The following PIAS2 variants were observed in gnomAD, a reference collection of about 807,000 sequenced individuals.
PIAS2 encodes E3 SUMO-protein ligase PIAS2.
A neutral mutation model predicts 69.7 loss-of-function variants in PIAS2; 19 were observed. That is an observed-to-expected ratio of 0.27 (90% CI 0.19 to 0.40). The LOEUF (loss-of-function observed/expected upper bound fraction) is 0.40, where lower values mean the gene tolerates loss of function less well. Among genes scored for constraint, PIAS2 ranks in the 10% least tolerant of loss-of-function variants. PIAS2 has a pLI of 1.00. For synonymous variants in PIAS2, 261 were observed against 263.2 expected (o/e 0.99, Z 0.08); for missense variants, 624 against 757.0 (o/e 0.82, Z 2.06).
At chr18:46,834,397 A>G (rs993321266) in intron 9 of PIAS2, among the ~76,000 whole-genome samples, 1 of 152,202 alleles carries the variant, frequency 6.6e-6, no homozygotes, top group Non-Finnish European at 1.5e-5. Context: ...CTCAATCTAT[A>G]ATGACTATGT....
intron 9 of PIAS2, among the ~76,000 whole-genome samples, chr18:46,833,093 C>G (rs559476753): frequency 3.6e-4 from 55 of 152,106 alleles, no homozygotes; most frequent in Non-Finnish European, 6.9e-4. Flanking sequence ...TAAATGAAAA[C>G]AGTCCACACA....
At chr18:46,854,630 GGCC>G (rs1285619851) in intron 5 of PIAS2, among the ~76,000 whole-genome samples, 4 of 152,082 alleles carry the variant, frequency 2.6e-5, no homozygotes, top group Non-Finnish European at 4.4e-5. Flanking sequence ...CCATCTATTA[GGCC>G]AGAGACAGGC....
intron 2 of PIAS2, among the ~76,000 whole-genome samples, chr18:46,868,298 A>C (rs925601508): frequency 4.6e-5 from 7 of 152,196 alleles, no homozygotes; most frequent in African/African-American, 1.7e-4. Flanking sequence ...TCTGCTCTGT[A>C]AACAACTACT....
At chr18:46,883,256 T>C (rs776570614) in intron 2 of PIAS2, among the ~76,000 whole-genome samples, 1 of 152,188 alleles carries the variant, frequency 6.6e-6, no homozygotes, top group African/African-American at 2.4e-5. Context: ...TTAACTACTT[T>C]TGTAATCTGA....
chr18:46,836,209 T>C (rs1437064798), intron 9 of PIAS2, 148 bp downstream of exon 9: 4 of 591,408 alleles, frequency 6.8e-6, no homozygotes, highest in African/African-American at 1.8e-5. Flanking sequence ...TGAGTATAAT[T>C]AGGTATAAGA....
intron 3 of PIAS2, among the ~76,000 whole-genome samples, chr18:46,862,668 C>T (rs189945431): frequency 1.4e-5 from 2 of 146,242 alleles, no homozygotes; most frequent in East Asian, 1.9e-4. Context: ...CATATATATA[C>T]ACACATATAT....
At chr18:46,842,392 A>T (rs1250250780) in intron 8 of PIAS2, among the ~76,000 whole-genome samples, 1 of 152,098 alleles carries the variant, frequency 6.6e-6, no homozygotes, top group African/African-American at 2.4e-5. Context: ...AAAAAAATTT[A>T]AAAGATTCTA....
chr18:46,878,778 G>T (rs1194725321), intron 2 of PIAS2, among the ~76,000 whole-genome samples: 2 of 152,226 alleles, frequency 1.3e-5, no homozygotes, highest in Admixed American at 6.5e-5. Flanking sequence ...TGCGGTAGCA[G>T]AATCACTAGA....
chr18:46,878,893 A>T (rs1209919371), intron 2 of PIAS2, among the ~76,000 whole-genome samples: 4 of 152,144 alleles, frequency 2.6e-5, no homozygotes, highest in Admixed American at 2.6e-4. Flanking sequence ...AAAAACAAGA[A>T]TGCTTCCTAG....
intron 1 of PIAS2, among the ~76,000 whole-genome samples, chr18:46,897,855 T>C (rs1408538529): frequency 1.3e-5 from 2 of 151,666 alleles, no homozygotes; most frequent in Admixed American, 1.3e-4. Context: ...TTCTAGATAA[T>C]ACAAGGCAAT....
Position 46,867,158 on chromosome 18 carries a change from C to T in PIAS2, c.500-2910G>A, listed in dbSNP as rs370720297. Among the ~76,000 whole-genome samples the T allele has an allele frequency of 2.0e-4, 30 of 151,910 alleles. No homozygotes were observed. The East Asian group carries it at 4.3e-3, about 22-fold the overall frequency. On this transcript the variant is annotated intron_variant, in intron 2 of 13. Transcript: ENST00000585916. ...GTCTGTGTCATAACAGACATATTCTCGGTGTGCCTTTTATTTTTCTGACAT... is the reference window on the plus strand; with the variant it reads ...GTCTGTGTCATAACAGACATATTCTTGGTGTGCCTTTTATTTTTCTGACAT...
At chr18:46,817,749 A>AT (rs1439544345) in intron 12 of PIAS2, 21 of 948,832 alleles carry the variant, frequency 2.2e-5, no homozygotes, top group African/African-American at 1.8e-4. Context: ...CACTGAAACC[A>AT]TTTTTTTCTC....
intron 5 of PIAS2, among the ~76,000 whole-genome samples, chr18:46,854,885 T>A (rs1383003165): frequency 6.6e-6 from 1 of 152,068 alleles, no homozygotes; most frequent in Non-Finnish European, 1.5e-5. Flanking sequence ...GTCCTATACA[T>A]GAAAGTGCCC....
chr18:46,842,534 T>C (rs552812031), intron 8 of PIAS2, among the ~76,000 whole-genome samples: 2 of 152,346 alleles, frequency 1.3e-5, no homozygotes, highest in Admixed American at 6.5e-5. Context: ...GTATGTGGAA[T>C]AGAGCTGGCA....
At chr18:46,854,995 AGT>A (rs1448562689) in intron 5 of PIAS2, among the ~76,000 whole-genome samples, 1 of 151,062 alleles carries the variant, frequency 6.6e-6, no homozygotes, top group Non-Finnish European at 1.5e-5. Context: ...AGCCAGGTAC[AGT>A]GGTGCACAAC....
Position 46,848,766 on chromosome 18 carries a change from A to AGTGT in PIAS2, c.727-1929_727-1926dup, listed in dbSNP as rs554067671. Among the ~76,000 whole-genome samples, 311 of 146,408 alleles carry AGTGT rather than the reference A, an allele frequency of 2.1e-3. 1 individual carries two copies. Among genetic ancestry groups the AGTGT allele is most frequent in the African/African-American group, 2.2e-3 (89 of 39,994 alleles). On this transcript the variant is annotated intron_variant, in intron 5 of 13. Transcript: ENST00000585916. ...TAATATGGAAATGAAAGAGAGAGAC[A>AGTGT]GTGTGTGTGTGTGTGTGTGTGTGAG... is the stretch of plus-strand genomic sequence containing the variant.
intron 5 of PIAS2, among the ~76,000 whole-genome samples, chr18:46,854,164 G>C (rs1190649310): frequency 2.0e-5 from 3 of 152,174 alleles, no homozygotes; most frequent in Non-Finnish European, 4.4e-5. Flanking sequence ...GTCAGTCTCA[G>C]TCATGGAATT....
intron 2 of PIAS2, among the ~76,000 whole-genome samples, chr18:46,887,969 A>T (rs1048394321): frequency 1.3e-5 from 2 of 152,206 alleles, no homozygotes; most frequent in African/African-American, 4.8e-5. Flanking sequence ...AGTAAACCTT[A>T]AAGATTTCAC....
Position 46,808,079 on chromosome 18 carries a change from C to A in PIAS2, c.*4354G>T, listed in dbSNP as rs1355683738. 1.3e-5 allele frequency: 2 copies of A among 152,156 alleles called. No individual in the cohort carries two copies. The highest frequency in any genetic ancestry group is 2.9e-5 in the Non-Finnish European group (2 of 68,024). 9.4% of individuals were successfully genotyped at this position (152,156 alleles called of 1,614,324 possible). A position where few individuals can be genotyped will look rare whatever the true frequency, so the allele number is the denominator to read the frequency against. On this transcript the variant is annotated 3_prime_UTR_variant, in exon 14 of 14. Coordinates refer to ENST00000585916, the MANE Select transcript of PIAS2 (RefSeq NM_004671.5). ...AGTAAAGGTTATATGAAACATGGCA[C>A]ATCCATAACAATGGAGTACCATAAA...
Sources: gnomAD v4.1 joint callset for allele counts (sites outside exome capture counted in the v4.1 genomes callset) on GRCh38, gnomAD v4.1.1 for gene constraint, MANE v1.5 for transcripts, NCBI Gene and HGNC (gene_info 2026-07-23, HGNC 2026-07-21) for gene names.